Variants in SPIRE1 observed in about 807,000 individuals in gnomAD.
The protein encoded by SPIRE1 is protein spire homolog 1.
A neutral mutation model predicts 94.1 loss-of-function variants in SPIRE1; 40 were observed. That is an observed-to-expected ratio of 0.43 (90% CI 0.33 to 0.55). The LOEUF is 0.55. Among genes scored for constraint, SPIRE1 ranks in the 20% least tolerant of loss-of-function variants. SPIRE1 has a pLI of 0.06. For missense variants in SPIRE1, 838 were observed against 975.2 expected (o/e 0.86, Z 1.87); for synonymous variants, 376 against 371.7 (o/e 1.01, Z -0.13).
At chr18:12,609,246 G>A (rs546024829) in intron 2 of SPIRE1, among the ~76,000 whole-genome samples, 114 of 152,192 alleles carry the variant, frequency 7.5e-4, no homozygotes, top group Non-Finnish European at 1.5e-3. Context: ...GCATTCAAAC[G>A]GTACACAAAT....
intron 1 of SPIRE1, 107 bp downstream of exon 1, chr18:12,657,421 CAA>C (rs2038579612): frequency 1.1e-6 from 1 of 947,396 alleles, no homozygotes; most frequent in African/African-American, 1.7e-5. Context: ...TCTCCCGTGG[CAA>C]AATGGGGGGG....
At chr18:12,531,798 G>C (rs2034690290) in intron 4 of SPIRE1, among the ~76,000 whole-genome samples, 1 of 152,112 alleles carries the variant, frequency 6.6e-6, no homozygotes, top group Non-Finnish European at 1.5e-5. Context: ...GACCACAATA[G>C]ATTAAAGGAT....
At chr18:12,639,455 C>T (rs948601076) in intron 1 of SPIRE1, among the ~76,000 whole-genome samples, 3 of 152,046 alleles carry the variant, frequency 2.0e-5, no homozygotes, top group Non-Finnish European at 2.9e-5. Context: ...GGAATGCGGC[C>T]AGGCGCAGTG....
chr18:12,486,001 C>T lies in SPIRE1; in HGVS notation c.1190-1G>A, dbSNP rs1458448412. The T allele has an allele frequency of 2.0e-6, 3 of 1,513,634 alleles. No individual in the cohort carries two copies. The highest frequency in any genetic ancestry group is 2.6e-6 in the Non-Finnish European group (3 of 1,135,986). The allele number at this position is 1,513,634 out of a possible 1,614,324, so 93.8% of individuals were successfully genotyped here. On this transcript the variant is annotated splice_acceptor_variant, in intron 8 of 16. Transcript: ENST00000409402. LOFTEE classifies it high-confidence loss of function. ...TAAGACATGCTAAGTGGCCGCATTG[C>T]TGAAAAAAAGAAAACAAACAATAAA...
At chr18:12,636,737 A>G (rs148310294) in intron 1 of SPIRE1, among the ~76,000 whole-genome samples, 87 of 152,318 alleles carry the variant, frequency 5.7e-4, no homozygotes, top group African/African-American at 2.0e-3. Context: ...TTTGATAAGT[A>G]TAAGACTGTT....
chr18:12,521,517 A>G (rs1396745157), intron 4 of SPIRE1, among the ~76,000 whole-genome samples: 9 of 151,978 alleles, frequency 5.9e-5, no homozygotes, highest in Non-Finnish European at 1.2e-4. Context: ...TAGTATTAGT[A>G]GAGATGGGGT....
At chr18:12,531,334 C>T (rs2034676518) in intron 4 of SPIRE1, among the ~76,000 whole-genome samples, 1 of 152,208 alleles carries the variant, frequency 6.6e-6, no homozygotes, top group South Asian at 2.1e-4. Context: ...TCTCCAAAGC[C>T]AAATCTTAGT....
intron 4 of SPIRE1, among the ~76,000 whole-genome samples, chr18:12,531,264 G>A (rs1049511291): frequency 3.3e-5 from 5 of 151,910 alleles, no homozygotes; most frequent in African/African-American, 1.2e-4. Context: ...GCATATGCAG[G>A]ACCATCATCC....
intron 10 of SPIRE1, among the ~76,000 whole-genome samples, chr18:12,471,243 A>G (rs1372543483): frequency 6.6e-6 from 1 of 152,054 alleles, no homozygotes; most frequent in African/African-American, 2.4e-5. Context: ...CTAATTTTAT[A>G]GGGGATCTGT....
At chr18:12,611,523 T>C (rs966936705) in intron 2 of SPIRE1, among the ~76,000 whole-genome samples, 1 of 152,256 alleles carries the variant, frequency 6.6e-6, no homozygotes, top group African/African-American at 2.4e-5. Flanking sequence ...AGCCTTCAGA[T>C]GACTGCAGCC....
chr18:12,600,416 G>A (rs1050938566), intron 2 of SPIRE1, among the ~76,000 whole-genome samples: 1 of 152,138 alleles, frequency 6.6e-6, no homozygotes, highest in Non-Finnish European at 1.5e-5. Flanking sequence ...GATTACTCCG[G>A]TATACTATTT....
chr18:12,464,310 AACT>A (rs1224213824), intron 11 of SPIRE1, among the ~76,000 whole-genome samples: 1 of 151,862 alleles, frequency 6.6e-6, no homozygotes, highest in Non-Finnish European at 1.5e-5. Context: ...TAAATAATAA[AACT>A]ACTTAAAGAA....
At chr18:12,467,543 T>C (rs2032165352) in intron 10 of SPIRE1, among the ~76,000 whole-genome samples, 1 of 152,218 alleles carries the variant, frequency 6.6e-6, no homozygotes, top group Non-Finnish European at 1.5e-5. Context: ...CAGATAATTA[T>C]CTGCTGAGGA....
intron 11 of SPIRE1, among the ~76,000 whole-genome samples, chr18:12,463,953 A>T (rs2031983573): frequency 6.6e-6 from 1 of 152,222 alleles, no homozygotes; most frequent in African/African-American, 2.4e-5. Flanking sequence ...AGACTGTTTA[A>T]AAGGAGACTG....
At chr18:12,614,322 G>T (rs2037224832) in intron 2 of SPIRE1, among the ~76,000 whole-genome samples, 1 of 152,020 alleles carries the variant, frequency 6.6e-6, no homozygotes, top group African/African-American at 2.4e-5. Context: ...GATTTGACCT[G>T]CTTCTTTTTA....
intron 1 of SPIRE1, among the ~76,000 whole-genome samples, chr18:12,639,397 T>C (rs2038024433): frequency 6.6e-6 from 1 of 152,156 alleles, no homozygotes; most frequent in African/African-American, 2.4e-5. Context: ...GTAAATCCCT[T>C]GATGCTATAC....
In SPIRE1 at chr18:12,541,045, T is replaced by C. The variant is rs143788932; in HGVS notation, c.604-5444A>G. The stretch of plus-strand genomic sequence containing the variant: ...CTGGTCTGCATACCACAAACTTTGA[T>C]AGGTCACGCATTTGTTATTATTCAG... On this transcript the variant is annotated intron_variant, in intron 3 of 16. Coordinates refer to ENST00000409402, the MANE Select transcript of SPIRE1 (RefSeq NM_001128626.2). 1.1e-3 allele frequency among the ~76,000 whole-genome samples: 175 copies of C among 152,348 alleles called. 1 individual carries two copies. The highest frequency in any genetic ancestry group is 6.8e-3 in the East Asian group (35 of 5,180).
chr18:12,527,692 T>C (rs2034561368), intron 4 of SPIRE1, among the ~76,000 whole-genome samples: 1 of 152,198 alleles, frequency 6.6e-6, no homozygotes, highest in Non-Finnish European at 1.5e-5. Flanking sequence ...CTGTGCACCA[T>C]TCCTGTGCTG....
At chr18:12,466,966 G>A (rs1029932055) in intron 10 of SPIRE1, among the ~76,000 whole-genome samples, 10 of 152,070 alleles carry the variant, frequency 6.6e-5, no homozygotes, top group African/African-American at 1.9e-4. Flanking sequence ...AAAAGGCCAC[G>A]TAAACGACAT....
Sources: allele counts gnomAD v4.1 joint callset (sites outside exome capture counted in the v4.1 genomes callset), GRCh38; gene constraint gnomAD v4.1.1; transcripts MANE v1.5; gene names NCBI Gene and HGNC (gene_info 2026-07-23, HGNC 2026-07-21).